The following RNF166 variants were observed in gnomAD, a reference collection of about 807,000 sequenced individuals.
RNF166 encodes the protein ring finger protein 166, also known as E3 ubiquitin-protein ligase RNF166.
Under a neutral mutation model 29.4 loss-of-function variants are expected in RNF166, and 19 were observed. The ratio of observed to expected loss-of-function variants is 0.65; its 90% CI spans 0.45 to 0.95. The LOEUF is 0.95. Ranked by LOEUF, RNF166 falls within the 40% of genes least tolerant of loss-of-function variation. RNF166 has a pLI of 0.00. For missense variants in RNF166, 347 were observed against 322.1 expected, an observed-to-expected ratio of 1.08 and a Z score of -0.59; for synonymous variants, 171 against 134.5, an observed-to-expected ratio of 1.27 and a Z score of -1.88.
intron 4 of RNF166, 42 bp downstream of exon 4, chr16:88,698,929 C>T (rs756002055): frequency 7.0e-6 from 10 of 1,435,948 alleles, no homozygotes; most frequent in Admixed American, 2.0e-5. Flanking sequence ...CCCCCACAGG[C>T]CTCCCCTGGC....
chr16:88,703,467 G>A (rs1006594596), intron 1 of RNF166: 1 of 985,406 alleles, frequency 1.0e-6, no homozygotes, highest in Non-Finnish European at 1.2e-6. Flanking sequence ...GAAGGACTCA[G>A]GAAAGACACA....
chr16:88,699,132 G>T, intron 3 of RNF166, 47 bp from the exon 4 acceptor site: 1 of 1,284,178 alleles, frequency 7.8e-7, no homozygotes, highest in Non-Finnish European at 1.1e-6. Flanking sequence ...GTGTCTAGGG[G>T]CTCTGCCTCC....
At position 88,706,241 on chromosome 16, in the gene RNF166, C is replaced by G; in HGVS notation, c.85G>C (p.Ala29Pro). ...AGGCAGATGGGGCAGGTGTACTGCG[C>G]CTCCAGGCCGCTGTCGCCGCCCGCC... ...GPAGGDSGLE[A>P]QYTCPICLEV... The change falls in exon 1 of 6, where the codon GCG becomes CCG. Residue 29 changes from alanine to proline, a missense_variant. Coordinates refer to ENST00000312838, the MANE Select transcript of RNF166 (RefSeq NM_178841.4). The G allele has an allele frequency of 7.6e-7, 1 of 1,312,276 alleles. No individual in the cohort carries two copies. Among genetic ancestry groups the G allele is most frequent in the East Asian group, 3.5e-5 (1 of 28,712 alleles). The allele number at this position is 1,312,276 out of a possible 1,614,324, so 81.3% of individuals were successfully genotyped here. A position where few individuals can be genotyped will look rare whatever the true frequency, so the allele number is the denominator to read the frequency against.
chr16:88,700,366 A>C (rs1910092092), intron 2 of RNF166, among the ~76,000 whole-genome samples: 1 of 152,064 alleles, frequency 6.6e-6, no homozygotes, highest in Non-Finnish European at 1.5e-5. Context: ...GCCGCTCTGC[A>C]TGTGACCGGT....
chr16:88,703,711 T>C, intron 1 of RNF166: 1 of 985,368 alleles, frequency 1.0e-6, no homozygotes, highest in Non-Finnish European at 1.2e-6. Flanking sequence ...CTGAGGGCGA[T>C]GGGTGTGGGG....
chr16:88,706,123 C>T, intron 1 of RNF166, 48 bp downstream of exon 1: 3 of 1,105,136 alleles, frequency 2.7e-6, no homozygotes, highest in Non-Finnish European at 3.3e-6. Flanking sequence ...ACCCCTCCCG[C>T]GGCGGGGCAC....
intron 1 of RNF166, chr16:88,703,098 C>CAA (rs1049341040): frequency 1.0e-6 from 1 of 985,564 alleles, no homozygotes; most frequent in African/African-American, 1.7e-5. Flanking sequence ...GGGCAGACAG[C>CAA]AAGCACGTCC....
rs749352575 is a variant in RNF166 at position 88,699,741 on chromosome 16, C to T, written c.313-9G>A. On this transcript the variant is annotated splice_polypyrimidine_tract_variant and intron_variant, in intron 2 of 5. Transcript: ENST00000312838. ...ATCTTTGCCAGGGTCACCTAGGAGA[C>T]AGGGCAGGGAGGGCAAGGCGGTCCT... 2.5e-6 allele frequency: 4 copies of T among 1,608,592 alleles called. No homozygotes were observed. The African/African-American group carries it at 4.0e-5, about 16-fold the overall frequency.
At chr16:88,700,004 C>G (rs1426010511) in intron 2 of RNF166, 3 of 283,264 alleles carry the variant, frequency 1.1e-5, no homozygotes, top group Non-Finnish European at 2.0e-5. Flanking sequence ...AAGGAGATCT[C>G]TGGCGCCTGC....
intron 1 of RNF166, chr16:88,702,676 A>G (rs1301270005): frequency 3.0e-6 from 3 of 984,796 alleles, no homozygotes; most frequent in East Asian, 1.1e-4. Flanking sequence ...CTCCCACATG[A>G]AACTTCGTGT....
chr16:88,701,450 G>C (rs763136494), intron 1 of RNF166, 32 bp from the exon 2 acceptor site: 1 of 1,525,644 alleles, frequency 6.6e-7, no homozygotes. Flanking sequence ...GTGCCAGCCC[G>C]CCCCTCGGGT....
chr16:88,706,223 T>C lies in RNF166; in HGVS notation c.103A>G (p.Ile35Val). ...GGCCGGTGATAGACCTCCAGGCAGA[T>C]GGGGCAGGTGTACTGCGCCTCCAGG... ...SGLEAQYTCP[I>V]CLEVYHRPVA... The change falls in exon 1 of 6, where the codon ATC becomes GTC. Residue 35 changes from isoleucine (I) to valine (V), a missense_variant. Ile to Val is a conservative substitution (Grantham distance 29, BLOSUM62 3). Coordinates refer to ENST00000312838, the MANE Select transcript of RNF166 (RefSeq NM_178841.4). The C allele has an allele frequency of 2.3e-6, 3 of 1,321,098 alleles. No individual in the cohort carries two copies. Among genetic ancestry groups the C allele is most frequent in the Non-Finnish European group, 2.9e-6 (3 of 1,031,182 alleles). The allele number at this position is 1,321,098 out of a possible 1,614,324, so 81.8% of individuals were successfully genotyped here. A position where few individuals can be genotyped will look rare whatever the true frequency, so the allele number is the denominator to read the frequency against.
chr16:88,701,361 G>GTGGGCAC lies in RNF166; in HGVS notation c.212_213insGTGCCCA (p.Arg73ProfsTer151). 6.2e-7 allele frequency: 1 copy of GTGGGCAC among 1,612,686 alleles called. No individual in the cohort carries two copies. The highest frequency in any genetic ancestry group is 8.5e-7 in the Non-Finnish European group (1 of 1,179,718). On this transcript the variant is annotated frameshift_variant, in exon 2 of 6. Transcript: ENST00000312838. LOFTEE classifies it high-confidence loss of function. ...TCTTGGGGTCGAAGGGCAGGCGGCA[G>GTGGGCAC]AGTGGGCACAGCGGGGATGGCACCT...
At chr16:88,704,149 G>C in intron 1 of RNF166, 1 of 985,500 alleles carries the variant, frequency 1.0e-6, no homozygotes, top group Non-Finnish European at 1.2e-6. Context: ...TGGGGAGCTT[G>C]CGGAGGGGAC....
intron 1 of RNF166, among the ~76,000 whole-genome samples, chr16:88,702,220 G>A (rs912437710): frequency 1.2e-4 from 19 of 152,236 alleles, no homozygotes; most frequent in East Asian, 1.9e-4. Flanking sequence ...AGCACCAGGC[G>A]CGAGAGCCCC....
chr16:88,700,342 G>C (rs1269934372), intron 2 of RNF166, among the ~76,000 whole-genome samples: 1 of 152,190 alleles, frequency 6.6e-6, no homozygotes, highest in Non-Finnish European at 1.5e-5. Context: ...CGGAGCTGCT[G>C]TGGGATACGG....
At chr16:88,699,218 C>T in intron 3 of RNF166, 133 bp from the exon 4 acceptor site, 3 of 709,544 alleles carry the variant, frequency 4.2e-6, no homozygotes, top group Non-Finnish European at 2.5e-6. Context: ...GGCTGGGTGC[C>T]CCCCGTGCCT....
chr16:88,704,560 A>T, intron 1 of RNF166: 1 of 985,458 alleles, frequency 1.0e-6, no homozygotes, highest in Non-Finnish European at 1.2e-6. Flanking sequence ...GCTGTGGCCG[A>T]CCACACGGTG....
chr16:88,703,658 C>T, intron 1 of RNF166: 1 of 985,538 alleles, frequency 1.0e-6, no homozygotes, highest in Non-Finnish European at 1.2e-6. Context: ...TCTGCGCCCA[C>T]CCAGGGGCTG....
Sources: allele counts gnomAD v4.1 joint callset (sites outside exome capture counted in the v4.1 genomes callset), GRCh38; gene constraint gnomAD v4.1.1; transcripts MANE v1.5; gene names NCBI Gene and HGNC (gene_info 2026-07-23, HGNC 2026-07-21).